Variants in CBLB observed in about 807,000 individuals in gnomAD.
The protein encoded by CBLB is Cbl proto-oncogene B.
Under a neutral mutation model 104.9 loss-of-function variants are expected in CBLB, and 31 were observed. That is an observed-to-expected ratio of 0.30 (90% CI 0.22 to 0.40). The LOEUF is 0.40. Ranked by LOEUF, CBLB falls within the 10% of genes least tolerant of loss-of-function variation. The probability of loss-of-function intolerance (pLI) is 1.00; values close to 1 mark genes in which losing one functional copy is unlikely to be tolerated. For synonymous variants in CBLB, 440 were observed against 422.6 expected, an observed-to-expected ratio of 1.04 and a Z score of -0.51; for missense variants, 1,062 against 1,214.6, an observed-to-expected ratio of 0.87 and a Z score of 1.87.
At chr3:105,858,947 TC>T (rs1237890955) in intron 2 of CBLB, among the ~76,000 whole-genome samples, 1 of 152,162 alleles carries the variant, frequency 6.6e-6, no homozygotes, top group African/African-American at 2.4e-5. Flanking sequence ...GGCTATGCAT[TC>T]CAATACATAA....
At chr3:105,676,389 G>T (rs771601656) in intron 17 of CBLB, among the ~76,000 whole-genome samples, 9 of 151,980 alleles carry the variant, frequency 5.9e-5, no homozygotes, top group Non-Finnish European at 1.2e-4. Context: ...GACAAAAACA[G>T]GTAAAAGTGT....
chr3:105,737,305 T>C (rs200679681), intron 7 of CBLB, 47 bp from the exon 8 acceptor site: 5 of 961,888 alleles, frequency 5.2e-6, no homozygotes, highest in South Asian at 1.5e-5. Context: ...CAAGTTTTAA[T>C]TGCATTTAAG....
At position 105,867,534 on chromosome 3, in the gene CBLB, C is replaced by T. The variant is rs764074602; in HGVS notation, c.44G>A (p.Gly15Glu). 18 of 1,614,116 alleles carry T rather than the reference C, an allele frequency of 1.1e-5. No individual in the cohort carries two copies. In the South Asian group the frequency reaches 1.9e-4, roughly 17 times the overall value. ...CAAAATTCGACCTTTTCGGGGATTT[C>T]CTCCTCGACCACCAGGGTTTCTGCC... ...MNGRNPGGRG[G>E]NPRKGRILGI... Residue 15 changes from glycine to glutamate, a missense_variant, in exon 2 of 19, where the codon GGA becomes GAA. This residue lies in a region of CBLB where 457 missense variants were observed against 632.0 expected (regional missense o/e 0.72). Transcript: ENST00000394030.
At chr3:105,738,768 C>T (rs2075223428) in intron 7 of CBLB, among the ~76,000 whole-genome samples, 2 of 151,430 alleles carry the variant, frequency 1.3e-5, no homozygotes, top group African/African-American at 4.9e-5. Flanking sequence ...AGCTTTGATG[C>T]ATTAGAAGAA....
chr3:105,681,173 T>C (rs1280468840), intron 16 of CBLB: 16 of 448,224 alleles, frequency 3.6e-5, no homozygotes, highest in Non-Finnish European at 2.8e-5. Context: ...ATCTCAACAC[T>C]TCAAGTCATC....
chr3:105,768,803 A>G (rs935420407), intron 4 of CBLB, among the ~76,000 whole-genome samples: 1 of 152,232 alleles, frequency 6.6e-6, no homozygotes, highest in South Asian at 2.1e-4. Flanking sequence ...TATATGAATG[A>G]GAAAAACTCA....
chr3:105,740,338 T>A (rs903313367), intron 7 of CBLB, among the ~76,000 whole-genome samples, 156 bp downstream of exon 7: 4 of 152,182 alleles, frequency 2.6e-5, no homozygotes, highest in Non-Finnish European at 5.9e-5. Flanking sequence ...TTAAAATGAT[T>A]ATATAAAAAG....
At chr3:105,665,456 C>CAT (rs1451444671) in intron 18 of CBLB, among the ~76,000 whole-genome samples, 13 of 127,930 alleles carry the variant, frequency 1.0e-4, no homozygotes, top group Non-Finnish European at 1.7e-4. Context: ...CACACACACA[C>CAT]ATATATATAC....
rs146134618 is a variant in CBLB at position 105,701,702 on chromosome 3, G to A, written c.1959+392C>T. On this transcript the variant is annotated intron_variant, in intron 12 of 18. Coordinates refer to ENST00000394030, the MANE Select transcript of CBLB (RefSeq NM_170662.5). ...CGCTTGAACCTGGGAGGCAGAGGTTGCAGTGAGCCGAGATCACGCCACTGC... is the reference window on the plus strand; with the variant it reads ...CGCTTGAACCTGGGAGGCAGAGGTTACAGTGAGCCGAGATCACGCCACTGC... Among the ~76,000 whole-genome samples the A allele has an allele frequency of 6.4e-3, 973 of 151,784 alleles. 12 individuals carry two copies. Among genetic ancestry groups the A allele is most frequent in the African/African-American group, 0.023 (932 of 41,374 alleles).
chr3:105,706,459 C>T (rs1430567581), intron 10 of CBLB, among the ~76,000 whole-genome samples: 2 of 152,086 alleles, frequency 1.3e-5, no homozygotes, highest in African/African-American at 4.8e-5. Context: ...TGATTCTTAA[C>T]AAAAGAATAG....
At chr3:105,745,430 C>T (rs1029465968) in intron 6 of CBLB, among the ~76,000 whole-genome samples, 4 of 152,060 alleles carry the variant, frequency 2.6e-5, no homozygotes, top group Non-Finnish European at 5.9e-5. Flanking sequence ...TTCAAGGACA[C>T]GAAATTGGTT....
At chr3:105,703,561 C>T (rs1443108) in intron 11 of CBLB, among the ~76,000 whole-genome samples, 38,333 of 151,940 alleles carry the variant, frequency 0.25, 5,069 homozygotes, top group Non-Finnish European at 0.28. Context: ...TCTTCTGAGT[C>T]GCCTTGAAAC....
intron 4 of CBLB, chr3:105,761,990 G>A (rs993118028): frequency 2.6e-5 from 4 of 152,216 alleles, no homozygotes; most frequent in African/African-American, 9.7e-5. Flanking sequence ...CTCTTGCTAT[G>A]TTTTAGCAAA....
At chr3:105,734,193 T>C (rs1253735732) in intron 8 of CBLB, 53 bp from the exon 9 acceptor site, 9 of 1,575,366 alleles carry the variant, frequency 5.7e-6, no homozygotes, top group East Asian at 2.2e-5. Flanking sequence ...CCAGCACAAA[T>C]TGTTAGTATC....
intron 3 of CBLB, among the ~76,000 whole-genome samples, chr3:105,848,187 A>G (rs1335595768): frequency 6.6e-6 from 1 of 152,084 alleles, no homozygotes; most frequent in African/African-American, 2.4e-5. Flanking sequence ...ACAAAACAAC[A>G]GAGCACCAGC....
intron 3 of CBLB, among the ~76,000 whole-genome samples, chr3:105,796,477 AC>A (rs2082270461): frequency 6.6e-6 from 1 of 152,176 alleles, no homozygotes; most frequent in Non-Finnish European, 1.5e-5. Context: ...AAAACCCAAA[AC>A]TACAAAAGTG....
intron 9 of CBLB, among the ~76,000 whole-genome samples, chr3:105,733,189 C>G (rs959412249): frequency 4.6e-5 from 7 of 151,984 alleles, no homozygotes; most frequent in African/African-American, 1.2e-4. Context: ...AACCCCGTCT[C>G]TACTAAAAAT....
intron 2 of CBLB, among the ~76,000 whole-genome samples, chr3:105,861,764 A>G (rs1159690438): frequency 1.3e-5 from 2 of 151,704 alleles, no homozygotes; most frequent in African/African-American, 4.8e-5. Context: ...CCTCAAGCTA[A>G]CAGAACTCCC....
intron 2 of CBLB, among the ~76,000 whole-genome samples, chr3:105,864,891 A>G (rs1322389634): frequency 7.2e-5 from 11 of 152,168 alleles, no homozygotes. Context: ...GCTGAAACAC[A>G]CTGAAATTGA....
Sources: allele counts gnomAD v4.1 joint callset (sites outside exome capture counted in the v4.1 genomes callset), GRCh38; gene constraint gnomAD v4.1.1; regional missense constraint gnomAD v4.1.1; transcripts MANE v1.5; gene names NCBI Gene and HGNC (gene_info 2026-07-23, HGNC 2026-07-21).